SNAP47: variants seen among roughly 807,000 people sequenced by gnomAD.
SNAP47 encodes the protein synaptosomal-associated protein 47.
Under a neutral mutation model 31.4 loss-of-function variants are expected in SNAP47, and 20 were observed. That is an observed-to-expected ratio of 0.64 (90% confidence interval 0.45 to 0.93). The LOEUF is 0.93. Ranked by LOEUF, SNAP47 falls within the 40% of genes least tolerant of loss-of-function variation. SNAP47 has a pLI of 0.00. For synonymous variants in SNAP47, 194 were observed against 213.4 expected (o/e 0.91, Z 0.79); for missense variants, 492 against 528.5 (o/e 0.93, Z 0.68).
upstream of SNAP47, chr1:227,732,060 C>T (rs1412337628): frequency 4.8e-6 from 2 of 416,782 alleles, no homozygotes; most frequent in Admixed American, 7.3e-5. Flanking sequence ...TAAGAGGAGC[C>T]ACCAGAGAAG....
At chr1:227,773,342 AG>A (rs1411468809) in intron 4 of SNAP47, among the ~76,000 whole-genome samples, 4 of 152,210 alleles carry the variant, frequency 2.6e-5, no homozygotes, top group Non-Finnish European at 5.9e-5. Flanking sequence ...AAGAATATAA[AG>A]AAAAATTATT....
intron 2 of SNAP47, among the ~76,000 whole-genome samples, chr1:227,758,564 A>G (rs1662839360): frequency 6.6e-6 from 1 of 152,198 alleles, no homozygotes; most frequent in Non-Finnish European, 1.5e-5. Context: ...TGCTAGGCAG[A>G]GCTTCAGTTG....
At chr1:227,755,505 G>A (rs575737224) in intron 2 of SNAP47, among the ~76,000 whole-genome samples, 4 of 152,174 alleles carry the variant, frequency 2.6e-5, no homozygotes, top group African/African-American at 9.6e-5. Flanking sequence ...TCCCACCTCA[G>A]CCTCCTGAGT....
intron 1 of SNAP47, chr1:227,735,806 G>C (rs890011471): frequency 8.4e-6 from 7 of 829,696 alleles, no homozygotes; most frequent in Non-Finnish European, 1.0e-5. Context: ...TGGAGGAGAT[G>C]GTGGGGACCT....
intron 2 of SNAP47, among the ~76,000 whole-genome samples, chr1:227,755,798 G>A (rs1284151329): frequency 6.6e-6 from 1 of 152,106 alleles, no homozygotes; most frequent in Non-Finnish European, 1.5e-5. Flanking sequence ...CACAGGCACT[G>A]GCTCACCTGC....
intron 4 of SNAP47, 33 bp downstream of exon 4, chr1:227,767,116 C>T (rs1663463516): frequency 1.2e-6 from 2 of 1,612,720 alleles, no homozygotes; most frequent in African/African-American, 1.3e-5. Context: ...CCAGCCAGCG[C>T]TGTGTCCCAG....
chr1:227,732,096 G>T, upstream of SNAP47: 1 of 505,768 alleles, frequency 2.0e-6, no homozygotes, highest in South Asian at 2.3e-5. Flanking sequence ...ACTCCTGTCA[G>T]CTCAGGCGTC....
At chr1:227,743,227 G>A (rs1049248360) in intron 1 of SNAP47, among the ~76,000 whole-genome samples, 8 of 152,184 alleles carry the variant, frequency 5.3e-5, no homozygotes, top group Non-Finnish European at 1.0e-4. Flanking sequence ...TAGGAAGGGC[G>A]GCTCTGGCCC....
At chr1:227,737,889 AAT>A (rs1287472361) in intron 1 of SNAP47, among the ~76,000 whole-genome samples, 1 of 151,984 alleles carries the variant, frequency 6.6e-6, no homozygotes, top group Non-Finnish European at 1.5e-5. Context: ...CACGGTATGC[AAT>A]TGTTTATTGG....
chr1:227,764,054 G>A (rs556894683), intron 3 of SNAP47, among the ~76,000 whole-genome samples: 4 of 152,348 alleles, frequency 2.6e-5, no homozygotes, highest in South Asian at 4.1e-4. Flanking sequence ...CAGCAAGGCT[G>A]TGCATAGGTG....
chr1:227,735,207 C>T (rs775852161), upstream of SNAP47: 2 of 1,584,436 alleles, frequency 1.3e-6, no homozygotes, highest in South Asian at 1.1e-5. Flanking sequence ...GCCTGGCCGA[C>T]GCCGGGGACA....
upstream of SNAP47, chr1:227,734,670 TGAGGTA>T (rs1558183810): frequency 6.2e-7 from 1 of 1,613,748 alleles, no homozygotes; most frequent in African/African-American, 1.3e-5. Flanking sequence ...TGCCAGTCTT[TGAGGTA>T]GAGACAGCCC....
chr1:227,764,411 G>A (rs889434591), intron 3 of SNAP47, among the ~76,000 whole-genome samples: 13 of 152,130 alleles, frequency 8.5e-5, no homozygotes, highest in Non-Finnish European at 1.6e-4. Context: ...TCTCTGTCAC[G>A]CAGCCTCAGG....
At chr1:227,734,947 G>A, upstream of SNAP47, 1 of 1,494,238 alleles carries the variant, frequency 6.7e-7, no homozygotes, top group Non-Finnish European at 8.9e-7. Flanking sequence ...TCTAGGCGGG[G>A]GCCTCCCGGG....
upstream of SNAP47, chr1:227,733,761 C>T: frequency 6.3e-7 from 1 of 1,591,244 alleles, no homozygotes; most frequent in Non-Finnish European, 8.5e-7. Context: ...CCTGGTCCAA[C>T]TGAAGGAGGG....
chr1:227,780,592 C>T lies in SNAP47; in HGVS notation c.1179C>T (p.Ala393=), dbSNP rs756584566. ...AESELERQDE[A]LDGVAAAVDR... ...GTGAGCTGGAGAGACAAGACGAAGC[C>T]CTGGATGGCGTTGCAGCAGCTGTGG... The change falls in exon 5 of 5, where the codon GCC becomes GCT. Residue 393 remains alanine (A), a synonymous_variant. Transcript: ENST00000617596. The T allele has an allele frequency of 7.4e-5, 120 of 1,614,064 alleles. No homozygotes were observed. Among genetic ancestry groups the T allele is most frequent in the Non-Finnish European group, 8.7e-5 (103 of 1,180,038 alleles).
chr1:227,761,032 CAT>C (rs1209554641), intron 3 of SNAP47, among the ~76,000 whole-genome samples: 4 of 152,222 alleles, frequency 2.6e-5, no homozygotes, highest in Admixed American at 6.5e-5. Context: ...CATATGTACA[CAT>C]GTGTATCAAT....
At chr1:227,775,972 C>T (rs1208512491) in intron 4 of SNAP47, 2 of 1,270,194 alleles carry the variant, frequency 1.6e-6, no homozygotes, top group African/African-American at 1.5e-5. Flanking sequence ...GGGCATCCTC[C>T]TCACGGATGT....
intron 3 of SNAP47, 91 bp from the exon 4 acceptor site, chr1:227,766,868 C>A: frequency 5.8e-6 from 9 of 1,550,546 alleles, no homozygotes; most frequent in Middle Eastern, 2.2e-4. Context: ...GGAGGAACAC[C>A]GCCTCAAAGA....
Sources: gnomAD v4.1 joint callset for allele counts (sites outside exome capture counted in the v4.1 genomes callset) on GRCh38, gnomAD v4.1.1 for gene constraint, MANE v1.5 for transcripts, NCBI Gene and HGNC (gene_info 2026-07-23, HGNC 2026-07-21) for gene names.